Variants in ANO7 observed in about 807,000 individuals in gnomAD.
The protein encoded by ANO7 is anoctamin 7, also known as anoctamin-7.
A neutral mutation model predicts 115.8 loss-of-function variants in ANO7; 114 were observed. That is an observed-to-expected ratio of 0.98 (90% confidence interval 0.85 to 1.15). The LOEUF (loss-of-function observed/expected upper bound fraction) is 1.15. Among genes scored for constraint, ANO7 ranks in the 50% most tolerant of loss-of-function variants. The probability of loss-of-function intolerance (pLI) is 0.00; values close to 1 mark genes in which losing one functional copy is unlikely to be tolerated. For missense variants in ANO7, 1,302 were observed against 1,201.2 expected (o/e 1.08, Z -1.24); for synonymous variants, 550 against 498.2 (o/e 1.10, Z -1.38).
chr2:241,215,069 G>C (rs1056611078), intron 18 of ANO7, among the ~76,000 whole-genome samples, 167 bp downstream of exon 18: 2 of 152,154 alleles, frequency 1.3e-5, no homozygotes, highest in Non-Finnish European at 2.9e-5. Flanking sequence ...CCCGGGCTCT[G>C]GGCTGCCCGC....
the ANO7 span, among the ~76,000 whole-genome samples, chr2:241,231,842 C>A: frequency 6.6e-6 from 1 of 152,066 alleles, no homozygotes. Flanking sequence ...TCGGCGAAAA[C>A]AACATGTCCA....
chr2:241,232,511 G>A, the ANO7 span, among the ~76,000 whole-genome samples: 1 of 152,188 alleles, frequency 6.6e-6, no homozygotes, highest in Non-Finnish European at 1.5e-5. Context: ...CCTGACCTCA[G>A]GGGATCCACC....
chr2:241,188,840 C>A lies in ANO7; in HGVS notation c.-8+74C>A. 1 of 1,535,820 alleles carries A rather than the reference C, an allele frequency of 6.5e-7. No homozygotes were observed. Among genetic ancestry groups the A allele is most frequent in the Non-Finnish European group, 8.8e-7 (1 of 1,137,686 alleles). On this transcript the variant is annotated intron_variant, in intron 1 of 24. Coordinates refer to ENST00000674324, the MANE Select transcript of ANO7 (RefSeq NM_001370694.2). The surrounding 1 kb of genome is among the most constrained non-coding windows in gnomAD (Gnocchi z 4.3). ...TGGACTCTAGGGAGGCAGGGCGGCA[C>A]CCCAGCCCACCGGGACTTTCACACA...
At chr2:241,196,243 T>G in intron 4 of ANO7, 1 of 925,916 alleles carries the variant, frequency 1.1e-6, no homozygotes, top group Non-Finnish European at 1.3e-6. Context: ...TTGCTTTCGG[T>G]GATAATGGTA....
chr2:241,209,770 GC>G, intron 13 of ANO7, 135 bp downstream of exon 13: 2 of 1,279,130 alleles, frequency 1.6e-6, no homozygotes, highest in Admixed American at 3.1e-5. Flanking sequence ...CCGCAGAGAG[GC>G]CCCCATGTGC....
intron 21 of ANO7, among the ~76,000 whole-genome samples, chr2:241,220,629 A>G (rs941359925): frequency 2.0e-5 from 3 of 152,196 alleles, no homozygotes; most frequent in African/African-American, 7.2e-5. Flanking sequence ...GTGAAACCCC[A>G]TCTCTACTAA....
chr2:241,215,846 C>CG (rs1042450216), intron 18 of ANO7, among the ~76,000 whole-genome samples: 6 of 152,268 alleles, frequency 3.9e-5, no homozygotes, highest in Non-Finnish European at 8.8e-5. Flanking sequence ...AGGAACAATG[C>CG]GGGGGGCTGG....
intron 11 of ANO7, among the ~76,000 whole-genome samples, chr2:241,208,582 G>A (rs950973256): frequency 6.6e-6 from 1 of 152,118 alleles, no homozygotes; most frequent in Non-Finnish European, 1.5e-5. Context: ...GGTTCCCAAC[G>A]AACATATCTT....
chr2:241,211,794 G>A (rs958531611), intron 15 of ANO7, among the ~76,000 whole-genome samples: 4 of 152,150 alleles, frequency 2.6e-5, no homozygotes, highest in Non-Finnish European at 4.4e-5. Flanking sequence ...AGTCCGCTGC[G>A]CAGCCTTGGC....
At chr2:241,210,126 G>A (rs1574782508) in intron 13 of ANO7, among the ~76,000 whole-genome samples, 169 bp from the exon 14 acceptor site, 1 of 152,220 alleles carries the variant, frequency 6.6e-6, no homozygotes, top group African/African-American at 2.4e-5. Context: ...CAACTCATCA[G>A]GAAGGACATA....
At chr2:241,235,742 A>T in the ANO7 span, 9 of 598,350 alleles carry the variant, frequency 1.5e-5, no homozygotes, top group Admixed American at 6.0e-5. Context: ...AGGACCTTTA[A>T]CTCAATAGAA....
intron 21 of ANO7, among the ~76,000 whole-genome samples, chr2:241,219,997 CTTA>C (rs548308198): frequency 5.3e-5 from 8 of 152,192 alleles, no homozygotes; most frequent in Non-Finnish European, 1.0e-4. Flanking sequence ...ATCTCTCCAT[CTTA>C]TTATTGTTAC....
At chr2:241,199,594 A>AGGT (rs1288490417) in intron 5 of ANO7, among the ~76,000 whole-genome samples, 171 bp downstream of exon 5, 2 of 152,214 alleles carry the variant, frequency 1.3e-5, no homozygotes, top group Non-Finnish European at 2.9e-5. Flanking sequence ...CAAACAGGGC[A>AGGT]GGTGGTGGCA....
chr2:241,208,955 C>G (rs546260820), intron 11 of ANO7, among the ~76,000 whole-genome samples: 2 of 152,136 alleles, frequency 1.3e-5, no homozygotes, highest in Non-Finnish European at 1.5e-5. Flanking sequence ...CGAGACCATC[C>G]TGGCTAACAC....
chr2:241,208,948 G>T (rs549160010), intron 11 of ANO7, among the ~76,000 whole-genome samples: 1 of 152,058 alleles, frequency 6.6e-6, no homozygotes, highest in Non-Finnish European at 1.5e-5. Context: ...AGAAGATCGA[G>T]ACCATCCTGG....
chr2:241,196,007 G>T (rs2068319637), intron 4 of ANO7, 162 bp downstream of exon 4: 3 of 1,500,588 alleles, frequency 2.0e-6, no homozygotes, highest in Middle Eastern at 4.4e-4. Flanking sequence ...CCTCCGTGTG[G>T]CTAGGGAGCT....
At chr2:241,198,119 G>A (rs1206714314) in intron 4 of ANO7, among the ~76,000 whole-genome samples, 1 of 152,136 alleles carries the variant, frequency 6.6e-6, no homozygotes, top group East Asian at 1.9e-4. Context: ...TTAGTCCTGC[G>A]TCCGACTCCC....
At chr2:241,219,274 G>A (rs960080713) in intron 21 of ANO7, among the ~76,000 whole-genome samples, 2 of 152,198 alleles carry the variant, frequency 1.3e-5, no homozygotes, top group Non-Finnish European at 2.9e-5. Context: ...GTAAAATTAC[G>A]AAACCATAGG....
At chr2:241,236,584 G>A in the ANO7 span, 103 of 1,608,086 alleles carry the variant, frequency 6.4e-5, no homozygotes, top group Middle Eastern at 2.3e-3. Flanking sequence ...GGGCCTTGGC[G>A]GGGGGTGGAG....
Sources: gnomAD v4.1 joint callset for allele counts (sites outside exome capture counted in the v4.1 genomes callset) on GRCh38, gnomAD v4.1.1 for gene constraint, Gnocchi (gnomAD v3.1) non-coding constraint, MANE v1.5 for transcripts, NCBI Gene and HGNC (gene_info 2026-07-23, HGNC 2026-07-21) for gene names.